The following TENM3 variants were observed in gnomAD, a reference collection of about 807,000 sequenced individuals.
The protein encoded by TENM3 is teneurin-3.
TENM3 carries 63 observed loss-of-function variants against 255.1 expected under a neutral mutation model. That is an observed-to-expected ratio of 0.25 (90% CI 0.20 to 0.30). TENM3 has a LOEUF of 0.30. Ranked by LOEUF, TENM3 falls within the 10% of genes least tolerant of loss-of-function variation. The pLI is 1.00. For missense variants in TENM3, 2,929 were observed against 3,461.1 expected (o/e 0.85, Z 3.86); for synonymous variants, 1,306 against 1,322.3 (o/e 0.99, Z 0.27).
intron 3 of TENM3, among the ~76,000 whole-genome samples, chr4:182,382,683 G>A (rs1298190356): frequency 6.6e-6 from 1 of 152,198 alleles, no homozygotes; most frequent in Non-Finnish European, 1.5e-5. Flanking sequence ...GTCCATGATA[G>A]CAGCTTGATC....
the TENM3 span, among the ~76,000 whole-genome samples, chr4:181,886,356 C>T: frequency 6.6e-6 from 1 of 152,146 alleles, no homozygotes; most frequent in African/African-American, 2.4e-5. Context: ...CATGCCCGGC[C>T]TCTACAACTT....
At chr4:181,917,667 T>C in the TENM3 span, among the ~76,000 whole-genome samples, 1 of 149,236 alleles carries the variant, frequency 6.7e-6, no homozygotes, top group African/African-American at 2.5e-5. Flanking sequence ...TTTTTTCTTT[T>C]TTTTTTTTTT....
At chr4:181,665,764 T>A in the TENM3 span, among the ~76,000 whole-genome samples, 3 of 152,146 alleles carry the variant, frequency 2.0e-5, no homozygotes, top group African/African-American at 7.2e-5. Flanking sequence ...TTTTTAACCA[T>A]TCTTCTTTAT....
chr4:181,984,758 T>A, the TENM3 span, among the ~76,000 whole-genome samples: 1,871 of 151,586 alleles, frequency 0.012, 36 homozygotes, highest in African/African-American at 0.043. Context: ...TCTCATCGGC[T>A]TTTTATGGCT....
chr4:182,212,655 T>C (rs1755133628), intron 1 of TENM3, among the ~76,000 whole-genome samples: 1 of 152,250 alleles, frequency 6.6e-6, no homozygotes, highest in Non-Finnish European at 1.5e-5. Flanking sequence ...CTCATGCTGC[T>C]TGCCTCCCTT....
chr4:181,910,824 C>T, the TENM3 span, among the ~76,000 whole-genome samples: 1 of 151,952 alleles, frequency 6.6e-6, no homozygotes, highest in South Asian at 2.1e-4. Context: ...TCCTTATAAG[C>T]TATGCAAAAC....
At chr4:182,798,316 G>A (rs545507574) in intron 27 of TENM3, among the ~76,000 whole-genome samples, 95 of 152,320 alleles carry the variant, frequency 6.2e-4, no homozygotes, top group African/African-American at 2.3e-3. Flanking sequence ...CCAACACTGT[G>A]TTTTTACTGT....
chr4:182,547,650 A>G (rs1445109650), intron 3 of TENM3, among the ~76,000 whole-genome samples: 3 of 152,070 alleles, frequency 2.0e-5, no homozygotes, highest in Non-Finnish European at 1.5e-5. Flanking sequence ...GTTCTATCCA[A>G]TGCTCACTCA....
the TENM3 span, among the ~76,000 whole-genome samples, chr4:181,952,993 G>A: frequency 1.3e-5 from 2 of 152,150 alleles, no homozygotes; most frequent in Admixed American, 6.5e-5. Context: ...CTACTGATGC[G>A]ACTGATTGCA....
the TENM3 span, among the ~76,000 whole-genome samples, chr4:181,648,272 C>T: frequency 1.3e-5 from 2 of 152,140 alleles, no homozygotes; most frequent in South Asian, 2.1e-4. Flanking sequence ...CATGGAGATA[C>T]GGCTCTAATC....
At chr4:182,645,159 T>A (rs1201802948) in intron 5 of TENM3, among the ~76,000 whole-genome samples, 2 of 151,736 alleles carry the variant, frequency 1.3e-5, no homozygotes, top group Non-Finnish European at 2.9e-5. Flanking sequence ...AGTGATATCA[T>A]GAACAGAAAA....
intron 22 of TENM3, among the ~76,000 whole-genome samples, chr4:182,767,085 A>G (rs184153023): frequency 2.0e-5 from 3 of 152,182 alleles, no homozygotes; most frequent in Admixed American, 2.0e-4. Context: ...TCCCTTGGTG[A>G]TAGAAGCATT....
intron 3 of TENM3, among the ~76,000 whole-genome samples, chr4:182,548,124 T>A (rs1741634450): frequency 1.3e-5 from 2 of 151,986 alleles, no homozygotes. Flanking sequence ...CTTGGGAGGC[T>A]CAGGTGGAAA....
the TENM3 span, among the ~76,000 whole-genome samples, chr4:181,889,321 A>G: frequency 6.6e-6 from 1 of 152,106 alleles, no homozygotes; most frequent in East Asian, 1.9e-4. Context: ...CACTCTCACC[A>G]TGTGACATGC....
At chr4:182,685,292 T>C (rs1756488453) in intron 11 of TENM3, among the ~76,000 whole-genome samples, 1 of 152,052 alleles carries the variant, frequency 6.6e-6, no homozygotes, top group South Asian at 2.1e-4. Flanking sequence ...CACCTCTGGA[T>C]AGCTTGAAGA....
At chr4:182,312,902 C>T (rs945806218) in intron 1 of TENM3, among the ~76,000 whole-genome samples, 2 of 152,164 alleles carry the variant, frequency 1.3e-5, no homozygotes. Context: ...GACCTCTTCC[C>T]TGTAGTTATT....
At chr4:181,838,853 C>T in the TENM3 span, among the ~76,000 whole-genome samples, 1 of 151,372 alleles carries the variant, frequency 6.6e-6, no homozygotes, top group Non-Finnish European at 1.5e-5. Flanking sequence ...TTGATTCTCT[C>T]CTTTTGTTTT....
the TENM3 span, among the ~76,000 whole-genome samples, chr4:181,850,771 T>C: frequency 6.6e-6 from 1 of 152,200 alleles, no homozygotes; most frequent in African/African-American, 2.4e-5. Flanking sequence ...GAATTTATTT[T>C]CCATTACTCT....
At chr4:182,177,958 GTTTT>G (rs56256529) in intron 1 of TENM3, among the ~76,000 whole-genome samples, 1 of 117,124 alleles carries the variant, frequency 8.5e-6, no homozygotes, top group Non-Finnish European at 1.8e-5. Context: ...TTTGGTTTTT[GTTTT>G]TTTTTTTTTT....
Sources: gnomAD v4.1 joint callset for allele counts (sites outside exome capture counted in the v4.1 genomes callset) on GRCh38, gnomAD v4.1.1 for gene constraint, MANE v1.5 for transcripts, NCBI Gene and HGNC (gene_info 2026-07-23, HGNC 2026-07-21) for gene names.